The following SRPK2 variants were observed in gnomAD, a reference collection of about 807,000 sequenced individuals.
SRPK2 encodes the protein SFRS protein kinase 2.
SRPK2 carries 21 observed loss-of-function variants against 90.8 expected under a neutral mutation model. The ratio of observed to expected loss-of-function variants is 0.23; its 90% CI spans 0.16 to 0.33. The LOEUF is 0.33. Among genes scored for constraint, SRPK2 ranks in the 10% least tolerant of loss-of-function variants. SRPK2 has a pLI of 1.00. For synonymous variants in SRPK2, 288 were observed against 311.1 expected, an observed-to-expected ratio of 0.93 and a Z score of 0.78; for missense variants, 620 against 869.0, an observed-to-expected ratio of 0.71 and a Z score of 3.60.
intron 2 of SRPK2, among the ~76,000 whole-genome samples, chr7:105,224,842 T>C (rs922993734): frequency 1.3e-5 from 2 of 152,160 alleles, no homozygotes; most frequent in Admixed American, 1.3e-4. Context: ...GAACAAAACA[T>C]TCCCCTTGAC....
intron 2 of SRPK2, among the ~76,000 whole-genome samples, chr7:105,228,748 A>T (rs1799043348): frequency 6.6e-6 from 1 of 152,046 alleles, no homozygotes; most frequent in African/African-American, 2.4e-5. Flanking sequence ...ATACCGTAAC[A>T]CTCACTCTGG....
chr7:105,348,517 T>C (rs576632804), intron 2 of SRPK2, among the ~76,000 whole-genome samples: 1 of 150,356 alleles, frequency 6.7e-6, no homozygotes, highest in Non-Finnish European at 1.5e-5. Flanking sequence ...CTCCACCTCA[T>C]GGTTCAAGCG....
In SRPK2 at chr7:105,164,259, T is replaced by G. The variant is rs79047396; in HGVS notation, c.514+3118A>C. 1.9e-3 allele frequency among the ~76,000 whole-genome samples: 297 copies of G among 152,360 alleles called. 9 individuals are homozygous for G. In the East Asian group the frequency reaches 0.048, roughly 25 times the overall value. On this transcript the variant is annotated intron_variant, in intron 6 of 15. Coordinates refer to ENST00000393651, the MANE Select transcript of SRPK2 (RefSeq NM_182692.3). ...AAAGAATGATAACACCTGCTTATTATGAGAGCTAATTTTGAGAAAGTCAGT... is the reference window on the plus strand; with the variant it reads ...AAAGAATGATAACACCTGCTTATTAGGAGAGCTAATTTTGAGAAAGTCAGT...
chr7:105,335,919 G>C (rs1373098492), intron 2 of SRPK2, among the ~76,000 whole-genome samples: 1 of 151,648 alleles, frequency 6.6e-6, no homozygotes, highest in African/African-American at 2.4e-5. Flanking sequence ...TCATGCCATT[G>C]CATTCCAGCC....
chr7:105,321,615 A>C (rs1812948285), intron 2 of SRPK2, among the ~76,000 whole-genome samples: 1 of 152,186 alleles, frequency 6.6e-6, no homozygotes, highest in Non-Finnish European at 1.5e-5. Context: ...AAAATAAACT[A>C]CTTGATTATA....
At chr7:105,249,075 G>A (rs1214396682) in intron 2 of SRPK2, among the ~76,000 whole-genome samples, 2 of 152,140 alleles carry the variant, frequency 1.3e-5, no homozygotes, top group Admixed American at 1.3e-4. Flanking sequence ...GCCTTCTTGA[G>A]GCATATAAAT....
chr7:105,271,643 GAT>G (rs1563174847), intron 2 of SRPK2, among the ~76,000 whole-genome samples: 1 of 152,132 alleles, frequency 6.6e-6, no homozygotes, highest in African/African-American at 2.4e-5. Flanking sequence ...TGTCCATACT[GAT>G]ATGACTTATT....
intron 14 of SRPK2, 81 bp downstream of exon 14, chr7:105,126,912 G>T: frequency 7.2e-7 from 1 of 1,387,452 alleles, no homozygotes; most frequent in Non-Finnish European, 1.0e-6. Flanking sequence ...CTCTATTTCA[G>T]TACAAAAATA....
At chr7:105,272,308 A>C (rs930508345) in intron 2 of SRPK2, among the ~76,000 whole-genome samples, 1 of 152,190 alleles carries the variant, frequency 6.6e-6, no homozygotes. Flanking sequence ...CTCCTTCTAC[A>C]TCTCAGCCTT....
intron 2 of SRPK2, among the ~76,000 whole-genome samples, chr7:105,299,077 C>G (rs1810207082): frequency 6.6e-6 from 1 of 152,180 alleles, no homozygotes. Context: ...GCTCCTTGCC[C>G]TAACAGGACT....
At chr7:105,363,085 T>C (rs1295596675) in intron 2 of SRPK2, among the ~76,000 whole-genome samples, 2 of 152,032 alleles carry the variant, frequency 1.3e-5, no homozygotes, top group Non-Finnish European at 2.9e-5. Context: ...ATACTTAATG[T>C]AAATGATGAG....
intron 2 of SRPK2, among the ~76,000 whole-genome samples, chr7:105,252,728 T>C (rs1231154725): frequency 7.3e-6 from 1 of 136,118 alleles, no homozygotes; most frequent in Non-Finnish European, 1.5e-5. Context: ...AATTATCATC[T>C]TTCTTTTCTT....
upstream of SRPK2, chr7:105,389,171 C>G: frequency 9.4e-7 from 1 of 1,060,256 alleles, no homozygotes; most frequent in Non-Finnish European, 1.1e-6. Context: ...GCGGCTGGCC[C>G]AGGCCGCCCG....
At chr7:105,164,186 G>A (rs1808159544) in intron 6 of SRPK2, among the ~76,000 whole-genome samples, 1 of 152,170 alleles carries the variant, frequency 6.6e-6, no homozygotes, top group Non-Finnish European at 1.5e-5. Context: ...CACTGCAACC[G>A]TTTTTTGGGA....
intron 2 of SRPK2, among the ~76,000 whole-genome samples, chr7:105,280,658 G>T (rs892543024): frequency 2.6e-4 from 11 of 42,920 alleles, no homozygotes; most frequent in Admixed American, 9.8e-4. Flanking sequence ...TAAAAAAAAG[G>T]GGGGGGGGGC....
intron 2 of SRPK2, among the ~76,000 whole-genome samples, chr7:105,235,491 T>C (rs75052123): frequency 0.017 from 2,525 of 152,206 alleles, 77 homozygotes; most frequent in African/African-American, 0.058. Flanking sequence ...TGCATGTGCA[T>C]GCATTTTAAA....
At chr7:105,232,662 T>TA (rs1799586064) in intron 2 of SRPK2, among the ~76,000 whole-genome samples, 2 of 150,794 alleles carry the variant, frequency 1.3e-5, no homozygotes, top group African/African-American at 4.9e-5. Flanking sequence ...TAACCATTAA[T>TA]AAAATCAGAC....
chr7:105,181,881 T>TA (rs755821029), intron 3 of SRPK2, among the ~76,000 whole-genome samples: 25,275 of 83,200 alleles, frequency 0.3, 3,572 homozygotes, highest in Non-Finnish European at 0.36. Flanking sequence ...AAGATAAAAG[T>TA]AAAAAAAAAA....
intron 3 of SRPK2, among the ~76,000 whole-genome samples, chr7:105,169,869 G>A (rs561180240): frequency 1.3e-5 from 2 of 152,170 alleles, no homozygotes; most frequent in Non-Finnish European, 2.9e-5. Flanking sequence ...AGACTGGAGT[G>A]CAATGGCATG....
Sources: gnomAD v4.1 joint callset for allele counts (sites outside exome capture counted in the v4.1 genomes callset) on GRCh38, gnomAD v4.1.1 for gene constraint, MANE v1.5 for transcripts, NCBI Gene and HGNC (gene_info 2026-07-23, HGNC 2026-07-21) for gene names.